Variants in EYS observed in about 807,000 individuals in gnomAD.
The protein encoded by EYS is protein eyes shut homolog.
Under a neutral mutation model 282.1 loss-of-function variants are expected in EYS, and 250 were observed. That is an observed-to-expected ratio of 0.89 (90% CI 0.80 to 0.98). The LOEUF is 0.98. Among genes scored for constraint, EYS ranks in the 50% least tolerant of loss-of-function variants. The pLI, the probability that EYS is intolerant of heterozygous loss-of-function variation, is 0.00. For missense variants in EYS, 4,016 were observed against 3,709.0 expected (o/e 1.08, Z -2.15); for synonymous variants, 1,355 against 1,282.9 (o/e 1.06, Z -1.20).
intron 33 of EYS, among the ~76,000 whole-genome samples, chr6:64,000,420 T>G (rs1266309468): frequency 6.6e-6 from 1 of 150,864 alleles, no homozygotes; most frequent in Non-Finnish European, 1.5e-5. Context: ...CTCGATCTCC[T>G]GACCTCGTGA....
intron 26 of EYS, among the ~76,000 whole-genome samples, chr6:64,543,308 C>T (rs2986991): frequency 0.012 from 1,756 of 152,048 alleles, 36 homozygotes; most frequent in African/African-American, 0.04. Flanking sequence ...GAAAAACAGA[C>T]TTTAAAAAAC....
At chr6:64,879,667 A>G (rs1415040602) in intron 19 of EYS, among the ~76,000 whole-genome samples, 3 of 152,130 alleles carry the variant, frequency 2.0e-5, no homozygotes, top group African/African-American at 7.2e-5. Flanking sequence ...GTAAATCCTC[A>G]AATGAGCAAA....
At chr6:65,291,960 T>G (rs562513810) in intron 12 of EYS, among the ~76,000 whole-genome samples, 181 of 151,628 alleles carry the variant, frequency 1.2e-3, no homozygotes, top group African/African-American at 4.3e-3. Flanking sequence ...AAAAGGTTAA[T>G]GGAATTTTTA....
At chr6:64,780,359 C>T (rs1392203277) in intron 22 of EYS, among the ~76,000 whole-genome samples, 2 of 152,116 alleles carry the variant, frequency 1.3e-5, no homozygotes, top group African/African-American at 4.8e-5. Flanking sequence ...AGGATTATTA[C>T]TACTGAAGAA....
At chr6:65,168,651 C>T (rs145167832) in intron 12 of EYS, among the ~76,000 whole-genome samples, 12 of 151,350 alleles carry the variant, frequency 7.9e-5, no homozygotes, top group African/African-American at 2.9e-4. Context: ...GATTTCAACA[C>T]AGAAATGTAG....
At chr6:65,582,837 C>A (rs553374070) in intron 2 of EYS, among the ~76,000 whole-genome samples, 1 of 152,148 alleles carries the variant, frequency 6.6e-6, no homozygotes, top group South Asian at 2.1e-4. Context: ...ATAATTATCC[C>A]TATTTTATGG....
intron 8 of EYS, among the ~76,000 whole-genome samples, chr6:65,370,571 A>G (rs1765104197): frequency 6.6e-6 from 1 of 151,570 alleles, no homozygotes; most frequent in Non-Finnish European, 1.5e-5. Context: ...CGACTTTTAT[A>G]TTTTTTGACA....
chr6:65,421,642 C>T (rs945004835), intron 5 of EYS, among the ~76,000 whole-genome samples: 14 of 151,906 alleles, frequency 9.2e-5, no homozygotes, highest in African/African-American at 3.1e-4. Flanking sequence ...ATGATTTCCT[C>T]ATTAAGCTTC....
chr6:64,493,026 G>A (rs756546316), intron 26 of EYS, among the ~76,000 whole-genome samples: 7 of 151,406 alleles, frequency 4.6e-5, no homozygotes, highest in Admixed American at 1.3e-4. Context: ...AGAACACCTG[G>A]AGCAATCTTA....
chr6:65,301,381 C>A (rs1164562565), intron 11 of EYS, among the ~76,000 whole-genome samples: 1 of 128,086 alleles, frequency 7.8e-6, no homozygotes, highest in Admixed American at 7.8e-5. Context: ...AGGAACTACA[C>A]CTTCCAGAAC....
At chr6:63,966,449 A>G (rs1275443015) in intron 35 of EYS, among the ~76,000 whole-genome samples, 1 of 152,166 alleles carries the variant, frequency 6.6e-6, no homozygotes, top group East Asian at 1.9e-4. Context: ...AATCTCACAA[A>G]TCATGGCTGA....
intron 29 of EYS, among the ~76,000 whole-genome samples, chr6:64,330,213 G>T (rs1245524274): frequency 1.3e-5 from 2 of 152,196 alleles, no homozygotes; most frequent in Non-Finnish European, 2.9e-5. Flanking sequence ...CAAATCTGTG[G>T]CCAAAGAGCA....
rs542407136 is a variant in EYS at position 64,621,058 on chromosome 6, C to T, written c.3569-3525G>A. 5.1e-4 allele frequency among the ~76,000 whole-genome samples: 77 copies of T among 152,148 alleles called. 1 individual carries two copies. The South Asian group carries it at 0.015, about 30-fold the overall frequency. Reference sequence around the variant, plus strand: ...AGACAATCTTGCTCTGTCACCCAGGCTGGAGTGTAGTGGCATGATCACAGT... The same window carrying T: ...AGACAATCTTGCTCTGTCACCCAGGTTGGAGTGTAGTGGCATGATCACAGT... On this transcript the variant is annotated intron_variant, in intron 23 of 42. Coordinates refer to ENST00000503581, the MANE Select transcript of EYS (RefSeq NM_001142800.2).
At chr6:64,800,193 C>G (rs1200961719) in intron 22 of EYS, among the ~76,000 whole-genome samples, 1 of 151,996 alleles carries the variant, frequency 6.6e-6, no homozygotes, top group Admixed American at 6.6e-5. Context: ...AAGTATGCTG[C>G]AAATGTACAG....
At chr6:65,437,771 G>C (rs1451466818) in intron 5 of EYS, among the ~76,000 whole-genome samples, 1 of 152,044 alleles carries the variant, frequency 6.6e-6, no homozygotes, top group African/African-American at 2.4e-5. Context: ...GCAAACGTTT[G>C]ATAAAACAGT....
At chr6:65,496,837 T>C (rs1766274973) in intron 2 of EYS, among the ~76,000 whole-genome samples, 1 of 152,108 alleles carries the variant, frequency 6.6e-6, no homozygotes, top group African/African-American at 2.4e-5. Flanking sequence ...TACATTATGG[T>C]ATGCCATTAT....
At chr6:64,561,547 C>T (rs1765394361) in intron 26 of EYS, among the ~76,000 whole-genome samples, 1 of 151,896 alleles carries the variant, frequency 6.6e-6, no homozygotes, top group Non-Finnish European at 1.5e-5. Flanking sequence ...AAACCAAGAA[C>T]CATATCAGAT....
chr6:65,071,190 A>T (rs537733752), intron 12 of EYS, among the ~76,000 whole-genome samples: 1 of 151,926 alleles, frequency 6.6e-6, no homozygotes, highest in East Asian at 1.9e-4. Flanking sequence ...TAACTTAAAA[A>T]ATTGCAGAAA....
chr6:65,131,080 A>T (rs369696150), intron 12 of EYS, among the ~76,000 whole-genome samples: 1 of 151,788 alleles, frequency 6.6e-6, no homozygotes, highest in Non-Finnish European at 1.5e-5. Context: ...ATGTTTTGGC[A>T]TATACATACC....
Sources: allele counts gnomAD v4.1 joint callset (sites outside exome capture counted in the v4.1 genomes callset), GRCh38; gene constraint gnomAD v4.1.1; transcripts MANE v1.5; gene names NCBI Gene and HGNC (gene_info 2026-07-23, HGNC 2026-07-21).